Variants in KIF26B observed in about 807,000 individuals in gnomAD.
KIF26B encodes kinesin-like protein KIF26B.
In KIF26B, 63 loss-of-function variants were observed where a neutral mutation model predicts 151.2. The ratio of observed to expected loss-of-function variants is 0.42; its 90% CI spans 0.34 to 0.51. The LOEUF (loss-of-function observed/expected upper bound fraction) is 0.51, where lower values mean the gene tolerates loss of function less well. Among genes scored for constraint, KIF26B ranks in the 20% least tolerant of loss-of-function variants. The pLI is 0.07. For synonymous variants in KIF26B, 1,357 were observed against 1,262.1 expected (o/e 1.08, Z -1.59); for missense variants, 2,813 against 2,913.6 (o/e 0.97, Z 0.79).
chr1:245,366,623 T>C (rs1187971663), intron 2 of KIF26B, among the ~76,000 whole-genome samples: 2 of 152,086 alleles, frequency 1.3e-5, no homozygotes, highest in Non-Finnish European at 2.9e-5. Flanking sequence ...TTTTTGAAAG[T>C]TTTCACTATA....
intron 4 of KIF26B, among the ~76,000 whole-genome samples, chr1:245,531,885 C>T (rs1240234940): frequency 6.6e-6 from 1 of 152,080 alleles, no homozygotes; most frequent in Admixed American, 6.6e-5. Context: ...TCACTCGAGG[C>T]GAGGAGTTCA....
intron 2 of KIF26B, among the ~76,000 whole-genome samples, chr1:245,178,209 C>T (rs1327436519): frequency 6.6e-6 from 1 of 152,208 alleles, no homozygotes; most frequent in African/African-American, 2.4e-5. Context: ...GTTCAGAAAA[C>T]AGATAACCTA....
chr1:245,520,599 TCCACCCAC>T (rs1211337795), intron 4 of KIF26B, among the ~76,000 whole-genome samples: 7 of 97,396 alleles, frequency 7.2e-5, no homozygotes, highest in African/African-American at 2.0e-4. Context: ...CATCCATCCA[TCCACCCAC>T]CCACCCATCC....
At chr1:245,243,211 T>G (rs556790232) in intron 2 of KIF26B, among the ~76,000 whole-genome samples, 1 of 152,316 alleles carries the variant, frequency 6.6e-6, no homozygotes, top group South Asian at 2.1e-4. Flanking sequence ...TGCCAATACT[T>G]GTCTTTATCA....
chr1:245,172,375 C>T (rs929807593), intron 2 of KIF26B, among the ~76,000 whole-genome samples: 46 of 152,080 alleles, frequency 3.0e-4, no homozygotes, highest in African/African-American at 1.1e-3. Context: ...GGGGTAGCTT[C>T]CTAGAAGGGG....
chr1:245,253,347 T>G (rs1339892293), intron 2 of KIF26B, among the ~76,000 whole-genome samples: 1 of 152,162 alleles, frequency 6.6e-6, no homozygotes, highest in East Asian at 1.9e-4. Context: ...TAAGAGATTT[T>G]TTTAGTGTTA....
Position 245,698,085 on chromosome 1 carries a change from T to G in KIF26B, c.5825-21T>G, listed in dbSNP as rs538282280. The G allele has an allele frequency of 1.9e-6, 3 of 1,602,546 alleles. No individual in the cohort carries two copies. The highest frequency in any genetic ancestry group is 2.6e-6 in the Non-Finnish European group (3 of 1,173,896). ...TTGAAATTCAGAAAGACTAACTCTC[T>G]GGGCTTATCCCCCTCCTCAGGTTCT... On this transcript the variant is annotated intron_variant, in intron 12 of 14. Coordinates refer to ENST00000407071, the MANE Select transcript of KIF26B (RefSeq NM_018012.4). The surrounding 1 kb of genome is among the most constrained non-coding windows in gnomAD (Gnocchi z 4.0).
intron 10 of KIF26B, among the ~76,000 whole-genome samples, chr1:245,668,211 T>A (rs2147938775): frequency 6.6e-6 from 1 of 152,292 alleles, no homozygotes; most frequent in East Asian, 1.9e-4. Context: ...TTTCCTTATC[T>A]TCTTATCCGC....
chr1:245,589,510 C>T (rs1483881471), intron 5 of KIF26B, among the ~76,000 whole-genome samples: 1 of 152,238 alleles, frequency 6.6e-6, no homozygotes, highest in Non-Finnish European at 1.5e-5. Context: ...ATTATCATCT[C>T]ATGGGAGCTG....
At chr1:245,470,493 C>T (rs12088765) in intron 4 of KIF26B, among the ~76,000 whole-genome samples, 14,895 of 152,050 alleles carry the variant, frequency 0.098, 771 homozygotes, top group South Asian at 0.13. Flanking sequence ...TGCAGTGGTG[C>T]GATCTCGGCT....
intron 4 of KIF26B, among the ~76,000 whole-genome samples, chr1:245,515,737 G>C (rs1292908210): frequency 6.6e-6 from 1 of 152,202 alleles, no homozygotes; most frequent in African/African-American, 2.4e-5. Context: ...ATGTGGGCTA[G>C]AACCTCTGAT....
At chr1:245,459,007 C>T (rs1032788759) in intron 4 of KIF26B, among the ~76,000 whole-genome samples, 15 of 152,302 alleles carry the variant, frequency 9.8e-5, no homozygotes, top group African/African-American at 3.4e-4. Context: ...CATGGTCTTA[C>T]AGCTCAGTAG....
chr1:245,642,542 C>G (rs907856937), intron 9 of KIF26B, among the ~76,000 whole-genome samples: 1 of 117,850 alleles, frequency 8.5e-6, no homozygotes, highest in Non-Finnish European at 1.6e-5. Context: ...GCCTGGGGGA[C>G]AGAGCGAGAC....
intron 4 of KIF26B, among the ~76,000 whole-genome samples, chr1:245,473,492 A>G (rs1031136027): frequency 8.2e-5 from 12 of 147,200 alleles, no homozygotes; most frequent in African/African-American, 2.4e-4. Context: ...GCTGAATTCT[A>G]TATTCTGCAC....
At position 245,687,518 on chromosome 1, in the gene KIF26B, G is replaced by T. The variant is rs1458560210; in HGVS notation, c.4535G>T (p.Gly1512Val). 3 of 1,574,198 alleles carry T rather than the reference G, an allele frequency of 1.9e-6. No individual in the cohort carries two copies. The highest frequency in any genetic ancestry group is 2.6e-6 in the Non-Finnish European group (3 of 1,160,268). The part of the protein sequence containing the change: ...VTDNFRRVVD[G>V]CEMALPGLAT... ...GACAACTTCAGGAGGGTCGTGGATG[G>T]GTGTGAGATGGCCCTGCCCGGTTTG... The change falls in exon 12 of 15, where the codon GGG becomes GTG. Residue 1512 changes from glycine to valine, a missense_variant. Physicochemically the swap from Gly to Val is moderately radical, Grantham distance 109. Around this residue, in one of 3 missense-constraint regions of KIF26B, gnomAD observed 2,060 missense variants for 2,088.6 expected, o/e 0.99. Coordinates refer to ENST00000407071, the MANE Select transcript of KIF26B (RefSeq NM_018012.4). This position sits in a 1 kb window ranked among gnomAD's most constrained non-coding sequence, Gnocchi z 4.9.
intron 4 of KIF26B, among the ~76,000 whole-genome samples, chr1:245,494,225 G>C (rs12738493): frequency 0.033 from 5,023 of 152,258 alleles, 133 homozygotes; most frequent in Non-Finnish European, 0.05. Context: ...AGAATCACTT[G>C]AACCTGGGAG....
chr1:245,581,619 G>A (rs574487334), intron 5 of KIF26B, among the ~76,000 whole-genome samples: 1 of 152,272 alleles, frequency 6.6e-6, no homozygotes, highest in Admixed American at 6.5e-5. Context: ...TACAACCACA[G>A]CCTCATTAAC....
At chr1:245,235,223 A>C (rs1022316286) in intron 2 of KIF26B, among the ~76,000 whole-genome samples, 3 of 152,198 alleles carry the variant, frequency 2.0e-5, no homozygotes, top group African/African-American at 7.2e-5. Flanking sequence ...GCCATAGTTA[A>C]TTAAAGGTAG....
chr1:245,258,163 T>C (rs1670574424), intron 2 of KIF26B, among the ~76,000 whole-genome samples: 1 of 152,204 alleles, frequency 6.6e-6, no homozygotes, highest in Admixed American at 6.5e-5. Flanking sequence ...CACCTTGCTT[T>C]CATTATGATT....
Sources: allele counts gnomAD v4.1 joint callset (sites outside exome capture counted in the v4.1 genomes callset), GRCh38; gene constraint gnomAD v4.1.1; regional missense constraint gnomAD v4.1.1; non-coding constraint Gnocchi (gnomAD v3.1); transcripts MANE v1.5; gene names NCBI Gene and HGNC (gene_info 2026-07-23, HGNC 2026-07-21).